Variants in SMG1 observed in about 807,000 individuals in gnomAD.
SMG1 encodes serine/threonine-protein kinase SMG1.
In SMG1, 22 loss-of-function variants were observed where a neutral mutation model predicts 419.9. That is an observed-to-expected ratio of 0.05 (90% CI 0.04 to 0.07). The LOEUF is 0.07. Ranked by LOEUF, SMG1 falls within the 10% of genes least tolerant of loss-of-function variation. SMG1 has a pLI of 1.00. For synonymous variants in SMG1, 1,538 were observed against 1,553.5 expected, an observed-to-expected ratio of 0.99 and a Z score of 0.23; for missense variants, 3,185 against 4,342.0, an observed-to-expected ratio of 0.73 and a Z score of 7.49.
At chr16:18,814,222 G>C (rs1160001930) in intron 60 of SMG1, among the ~76,000 whole-genome samples, 2 of 151,932 alleles carry the variant, frequency 1.3e-5, no homozygotes, top group Admixed American at 1.3e-4. Flanking sequence ...TTGTGTATGT[G>C]TACATATGCA....
At chr16:18,821,106 C>T (rs2032489691) in intron 55 of SMG1, among the ~76,000 whole-genome samples, 1 of 152,008 alleles carries the variant, frequency 6.6e-6, no homozygotes, top group Admixed American at 6.6e-5. Flanking sequence ...TACTTATATA[C>T]ATTTCACAAA....
chr16:18,848,124 T>G (rs1347469850), intron 36 of SMG1, 91 bp from the exon 37 acceptor site: 1 of 1,061,340 alleles, frequency 9.4e-7, no homozygotes, highest in African/African-American at 1.6e-5. Context: ...TCTATTTGAC[T>G]CAAGAGCACT....
intron 1 of SMG1, among the ~76,000 whole-genome samples, chr16:18,906,056 C>T (rs1390422764): frequency 2.6e-5 from 4 of 152,174 alleles, no homozygotes; most frequent in African/African-American, 9.7e-5. Context: ...CATCAACAAG[C>T]ACCATACTCC....
Position 18,815,479 on chromosome 16 carries a change from A to G in SMG1, c.10475T>C (p.Ile3492Thr). 2 of 1,613,990 alleles carry G rather than the reference A, an allele frequency of 1.2e-6. No individual in the cohort carries two copies. The highest frequency in any genetic ancestry group is 1.7e-6 in the Non-Finnish European group (2 of 1,179,882). Reference protein sequence around the residue: ...SQEHVEMLQEITPTLKELKTQ... With the variant: ...SQEHVEMLQETTPTLKELKTQ... ...TTTCAGTTCTTTCAAGGTGGGAGTGATTTCCTGGAGCATTTCAACGTGTTC... is the reference window on the plus strand; with the variant it reads ...TTTCAGTTCTTTCAAGGTGGGAGTGGTTTCCTGGAGCATTTCAACGTGTTC... Residue 3492 changes from isoleucine to threonine, a missense_variant, in exon 59 of 63, where the codon ATC becomes ACC. Ile to Thr is a moderately conservative substitution (Grantham distance 89, BLOSUM62 -1). Coordinates refer to ENST00000446231, the MANE Select transcript of SMG1 (RefSeq NM_015092.5).
At chr16:18,917,398 C>T (rs2038021713) in intron 1 of SMG1, among the ~76,000 whole-genome samples, 3 of 151,922 alleles carry the variant, frequency 2.0e-5, no homozygotes, top group Admixed American at 6.6e-5. Context: ...ATCCACCCAC[C>T]TTGCCCTCCC....
intron 51 of SMG1, among the ~76,000 whole-genome samples, chr16:18,831,772 T>A (rs61309210): frequency 1.5e-4 from 12 of 77,518 alleles, no homozygotes; most frequent in African/African-American, 2.7e-4. Context: ...AAAAAAAAAA[T>A]ACATATATAT....
At chr16:18,890,959 C>A in intron 4 of SMG1, 38 bp from the exon 5 acceptor site, 1 of 970,494 alleles carries the variant, frequency 1.0e-6, no homozygotes, top group South Asian at 1.3e-5. Flanking sequence ...CTTCAAATTC[C>A]TATACTTTTA....
chr16:18,832,282 G>GC (rs1369776607), intron 51 of SMG1, among the ~76,000 whole-genome samples: 1 of 152,206 alleles, frequency 6.6e-6, no homozygotes, highest in African/African-American at 2.4e-5. Context: ...TGAGTACAAT[G>GC]CATGTCTGCA....
intron 15 of SMG1, 32 bp from the exon 16 acceptor site, chr16:18,871,514 T>C (rs779651119): frequency 7.0e-6 from 9 of 1,283,884 alleles, no homozygotes; most frequent in Middle Eastern, 2.9e-4. Context: ...TGACTGTACA[T>C]TAAAAAAAAC....
chr16:18,871,923 A>C (rs1161722379), intron 15 of SMG1, among the ~76,000 whole-genome samples: 2 of 152,060 alleles, frequency 1.3e-5, no homozygotes, highest in African/African-American at 4.8e-5. Flanking sequence ...AAGAATATTA[A>C]AAATCTATAT....
chr16:18,879,549 A>G lies in SMG1; in HGVS notation c.1464T>C (p.Asn488=), dbSNP rs1405193226. 3 of 1,244,918 alleles carry G rather than the reference A, an allele frequency of 2.4e-6. No individual in the cohort carries two copies. The highest frequency in any genetic ancestry group is 5.0e-5 in the East Asian group (2 of 40,022). The allele number at this position is 1,244,918 out of a possible 1,614,324, so 77.1% of individuals were successfully genotyped here. The change falls in exon 11 of 63, where the codon AAT becomes AAC. Residue 488 remains asparagine (N), a synonymous_variant. Coordinates refer to ENST00000446231, the MANE Select transcript of SMG1 (RefSeq NM_015092.5). ...VITYGLDQLE[N]CQTCGTDYII... Reference sequence around the variant, plus strand: ...TATAATCGGTACCACAAGTCTGGCAATTCTCCAGTTGGTCTAATCCATATG... The same window carrying G: ...TATAATCGGTACCACAAGTCTGGCAGTTCTCCAGTTGGTCTAATCCATATG...
intron 1 of SMG1, among the ~76,000 whole-genome samples, chr16:18,910,836 TTAAAA>T (rs2037764653): frequency 6.6e-6 from 1 of 152,022 alleles, no homozygotes; most frequent in Admixed American, 6.6e-5. Flanking sequence ...AAAAATAAAA[TTAAAA>T]TAAAAATATG....
At chr16:18,839,187 A>C (rs1240917714) in intron 42 of SMG1, among the ~76,000 whole-genome samples, 1 of 152,026 alleles carries the variant, frequency 6.6e-6, no homozygotes, top group African/African-American at 2.4e-5. Context: ...TATTTAAAAA[A>C]ATTTTTTTCC....
In SMG1 at chr16:18,807,850, C is replaced by T. The variant is rs2030986610; in HGVS notation, c.*1719G>A. 6.6e-6 allele frequency: 1 copy of T among 152,190 alleles called. No individual in the cohort carries two copies. Among genetic ancestry groups the T allele is most frequent in the Non-Finnish European group, 1.5e-5 (1 of 68,042 alleles). The allele number at this position is 152,190 out of a possible 1,614,324, so 9.4% of individuals were successfully genotyped here. A position where few individuals can be genotyped will look rare whatever the true frequency, so the allele number is the denominator to read the frequency against. ...TCTCGGCTCACTGCAAGCTCCGCCT[C>T]CTGGGTTCACGCCATTCTCCTGCCT... On this transcript the variant is annotated 3_prime_UTR_variant, in exon 63 of 63. Coordinates refer to ENST00000446231, the MANE Select transcript of SMG1 (RefSeq NM_015092.5).
In SMG1 at chr16:18,847,911, T is replaced by C; in HGVS notation, c.5746A>G (p.Lys1916Glu). The change falls in exon 37 of 63, where the codon AAA becomes GAA. Residue 1916 changes from lysine to glutamate, a missense_variant. Coordinates refer to ENST00000446231, the MANE Select transcript of SMG1 (RefSeq NM_015092.5). ...ASQDSNKDEP[K>E]SGLNEDQAMM... is the part of the protein sequence containing the mutation. ...GCTTGGTCTTCATTTAATCCACTTT[T>C]AGGTTCATCCTTATTGCTATCCTGA... 1 of 1,614,054 alleles carries C rather than the reference T, an allele frequency of 6.2e-7. No individual in the cohort carries two copies. Among genetic ancestry groups the C allele is most frequent in the South Asian group, 1.1e-5 (1 of 91,092 alleles).
rs747339050 is a variant in SMG1, at chr16:18,841,651, G to A, written c.6610C>T (p.Leu2204=). The A allele has an allele frequency of 6.2e-7, 1 of 1,613,990 alleles. No homozygotes were observed. Among genetic ancestry groups the A allele is most frequent in the Non-Finnish European group, 8.5e-7 (1 of 1,179,894 alleles). The change falls in exon 41 of 63, where the codon CTA becomes TTA. Residue 2204 remains leucine, a synonymous_variant. Coordinates refer to ENST00000446231, the MANE Select transcript of SMG1 (RefSeq NM_015092.5). ...SVTPLGTRSG[L]IQWVDGATPL... ...GTGGCTCCATCTACCCACTGGATTA[G>A]TCCTGATCTTGTTCCTAGTGGTGTT...
At chr16:18,879,861 T>C (rs2036306193) in intron 10 of SMG1, 142 bp from the exon 11 acceptor site, 2 of 756,948 alleles carry the variant, frequency 2.6e-6, no homozygotes, top group South Asian at 3.2e-5. Flanking sequence ...TAGTTCTCAG[T>C]AGTTGAATAA....
intron 1 of SMG1, among the ~76,000 whole-genome samples, chr16:18,904,114 T>A (rs1267373075): frequency 6.6e-6 from 1 of 150,794 alleles, no homozygotes; most frequent in Non-Finnish European, 1.5e-5. Context: ...ATTTTTTATA[T>A]TTTTAGTAGA....
intron 51 of SMG1, among the ~76,000 whole-genome samples, chr16:18,832,699 AAC>A (rs148749933): frequency 0.011 from 1,710 of 152,250 alleles, 14 homozygotes; most frequent in Non-Finnish European, 0.018. Context: ...TATAGATACT[AAC>A]ACTGAAGGAA....
Sources: gnomAD v4.1 joint callset for allele counts (sites outside exome capture counted in the v4.1 genomes callset) on GRCh38, gnomAD v4.1.1 for gene constraint, MANE v1.5 for transcripts, NCBI Gene and HGNC (gene_info 2026-07-23, HGNC 2026-07-21) for gene names.